The following ZNF106 variants were observed in gnomAD, a reference collection of about 807,000 sequenced individuals.
ZNF106 encodes zinc finger protein 106.
ZNF106 carries 67 observed loss-of-function variants against 195.1 expected under a neutral mutation model. The observed-to-expected ratio is 0.34, with a 90% confidence interval of 0.28 to 0.42. The LOEUF (loss-of-function observed/expected upper bound fraction) is 0.42. ZNF106 is among the 10% of genes least tolerant of loss of function. The probability of loss-of-function intolerance (pLI) is 1.00; values close to 1 mark genes in which losing one functional copy is unlikely to be tolerated. For synonymous variants in ZNF106, 784 were observed against 818.6 expected, an observed-to-expected ratio of 0.96 and a Z score of 0.72; for missense variants, 2,118 against 2,304.5, an observed-to-expected ratio of 0.92 and a Z score of 1.66.
In ZNF106 at chr15:42,466,098, A is replaced by G; in HGVS notation, c.71T>C (p.Met24Thr). 1 of 1,529,940 alleles carries G rather than the reference A, an allele frequency of 6.5e-7. No homozygotes were observed. Among genetic ancestry groups the G allele is most frequent in the Non-Finnish European group, 8.7e-7 (1 of 1,144,086 alleles). 94.8% of individuals were successfully genotyped at this position (1,529,940 alleles called of 1,614,324 possible). A position where few individuals can be genotyped will look rare whatever the true frequency, so the allele number is the denominator to read the frequency against. The change falls in exon 3 of 22, where the codon ATG becomes ACG. Residue 24 changes from methionine (M) to threonine (T), a missense_variant. Coordinates refer to ENST00000564754, the MANE Select transcript of ZNF106 (RefSeq NM_001366845.3). Reference sequence around the variant, plus strand: ...TTCCCTGTGATGCAACATGCTCCGCATGTGTTCGTCCATCTCCTTCAAAAT... The same window carrying G: ...TTCCCTGTGATGCAACATGCTCCGCGTGTGTTCGTCCATCTCCTTCAAAAT... ...YSSKKEMDEH[M>T]RSMLHHRELE...
chr15:42,473,072 T>C (rs1246630886), intron 1 of ZNF106, among the ~76,000 whole-genome samples: 1 of 148,838 alleles, frequency 6.7e-6, no homozygotes, highest in East Asian at 2.0e-4. Flanking sequence ...AATCTAAAAA[T>C]CTGAAATCTG....
At chr15:42,474,754 G>A (rs939171466) in intron 1 of ZNF106, among the ~76,000 whole-genome samples, 1 of 151,866 alleles carries the variant, frequency 6.6e-6, no homozygotes, top group East Asian at 1.9e-4. Context: ...TCTATAAAAA[G>A]AAAGAAAGAA....
At chr15:42,452,075 T>A (rs1595471450) in intron 4 of ZNF106, 121 bp from the exon 5 acceptor site, 3 of 1,053,686 alleles carry the variant, frequency 2.8e-6, no homozygotes, top group Non-Finnish European at 2.7e-6. Context: ...TAACCGAGTC[T>A]GGTTTTATAT....
rs970752835 is a variant in ZNF106 at position 42,447,747 on chromosome 15, C to T, written c.3135+325G>A. 3.9e-5 allele frequency among the ~76,000 whole-genome samples: 6 copies of T among 152,216 alleles called. No individual in the cohort carries two copies. The South Asian group carries it at 8.3e-4, about 21-fold the overall frequency. ...GCCTTTCTTCAGTAGCAGTGCAGAA[C>T]GCATCTATGAAAACAGATTGGGTTA... On this transcript the variant is annotated intron_variant, in intron 6 of 21. Coordinates refer to ENST00000564754, the MANE Select transcript of ZNF106 (RefSeq NM_001366845.3).
chr15:42,477,973 CTG>C (rs1282237103), intron 1 of ZNF106, among the ~76,000 whole-genome samples: 1 of 151,148 alleles, frequency 6.6e-6, no homozygotes, highest in Non-Finnish European at 1.5e-5. Flanking sequence ...TATTGATACA[CTG>C]TTATTTATTT....
chr15:42,436,416 T>C (rs193096412), intron 13 of ZNF106, among the ~76,000 whole-genome samples: 1 of 152,326 alleles, frequency 6.6e-6, no homozygotes, highest in East Asian at 1.9e-4. Context: ...TTTTCAGTCA[T>C]TCGTGTTAAT....
chr15:42,434,768 C>CT (rs536454605), intron 14 of ZNF106, among the ~76,000 whole-genome samples: 6,696 of 134,796 alleles, frequency 0.05, 548 homozygotes, highest in African/African-American at 0.16. Context: ...ACATTTTGCT[C>CT]TTTTTTTTTT....
At chr15:42,421,792 G>A in intron 19 of ZNF106, 125 bp downstream of exon 19, 1 of 647,092 alleles carries the variant, frequency 1.5e-6, no homozygotes, top group South Asian at 3.3e-5. Flanking sequence ...TCCCTATTAT[G>A]CCAAGAGATG....
rs555009859 is a variant in ZNF106, at chr15:42,479,759, T to C, written c.-32-7438A>G. The stretch of plus-strand genomic sequence containing the variant: ...CGGGAGGCTGAGGCAGGAGAATCGC[T>C]TGAACCCGGGGAGTAGAGGTTGCAG... On this transcript the variant is annotated intron_variant, in intron 1 of 21. Transcript: ENST00000564754. 3.3e-5 allele frequency among the ~76,000 whole-genome samples: 5 copies of C among 152,220 alleles called. No homozygotes were observed. In the South Asian group the frequency reaches 1.0e-3, roughly 32 times the overall value.
chr15:42,441,712 G>C (rs537039303), intron 10 of ZNF106: 155 of 166,488 alleles, frequency 9.3e-4, no homozygotes, highest in Non-Finnish European at 1.7e-3. Flanking sequence ...TAGACAGTAA[G>C]TGCAAAGAAA....
At chr15:42,442,549 T>G in intron 9 of ZNF106, 135 bp from the exon 10 acceptor site, 1 of 665,144 alleles carries the variant, frequency 1.5e-6, no homozygotes, top group Non-Finnish European at 2.4e-6. Flanking sequence ...CTCATAATTC[T>G]CCGAAATATG....
chr15:42,419,375 A>G (rs1157297014), intron 20 of ZNF106, among the ~76,000 whole-genome samples: 1 of 151,668 alleles, frequency 6.6e-6, no homozygotes, highest in East Asian at 2.0e-4. Flanking sequence ...AAAATAAATA[A>G]TAAAAATAAT....
intron 20 of ZNF106, among the ~76,000 whole-genome samples, chr15:42,419,213 C>T (rs1315842481): frequency 2.0e-5 from 3 of 151,858 alleles, no homozygotes; most frequent in Non-Finnish European, 4.4e-5. Context: ...ACTGAAAATA[C>T]AAAAATCAGC....
chr15:42,417,875 T>C lies in ZNF106; in HGVS notation c.5594A>G (p.Asn1865Ser). Residue 1865 changes from asparagine (N) to serine (S), a missense_variant, in exon 21 of 22, where the codon AAC (asparagine) becomes AGC (serine). By Grantham distance (46) the Asn-to-Ser change is conservative (BLOSUM62 1). Transcript: ENST00000564754. The part of the protein sequence containing the change: ...QHLLTDHTNP[N>S]FQTLKCRWKN... ...CCAGCGACATTTCAGAGTCTGGAAG[T>C]TGGGATTAGTGTGGTCGGTCAGCAA... 1 of 1,614,004 alleles carries C rather than the reference T, an allele frequency of 6.2e-7. No homozygotes were observed. Among genetic ancestry groups the C allele is most frequent in the Non-Finnish European group, 8.5e-7 (1 of 1,179,954 alleles).
chr15:42,451,435 C>A lies in ZNF106; in HGVS notation c.837G>T (p.Met279Ile), dbSNP rs1314631402. 1 of 1,614,168 alleles carries A rather than the reference C, an allele frequency of 6.2e-7. No individual in the cohort carries two copies. Among genetic ancestry groups the A allele is most frequent in the Admixed American group, 1.7e-5 (1 of 60,018 alleles). The change falls in exon 5 of 22, where the codon ATG (methionine) becomes ATT (isoleucine). Residue 279 changes from methionine (M) to isoleucine (I), a missense_variant. Physicochemically the swap from Met to Ile is conservative, Grantham distance 10. Coordinates refer to ENST00000564754, the MANE Select transcript of ZNF106 (RefSeq NM_001366845.3). ...PGRNRNSNCQ[M>I]EDMTMLWNKK... ...TGTTCCATAGCATAGTCATGTCTTC[C>A]ATTTGACAGTTAGAATTTCTGTTTC... is the stretch of plus-strand genomic sequence containing the variant.
chr15:42,450,774 T>C lies in ZNF106; in HGVS notation c.1498A>G (p.Lys500Glu). Residue 500 changes from lysine to glutamate, a missense_variant, in exon 5 of 22, where the codon AAA (lysine) becomes GAA (glutamate). Coordinates refer to ENST00000564754, the MANE Select transcript of ZNF106 (RefSeq NM_001366845.3). Reference protein sequence around the residue: ...QDPKNISKNTKTNFFSPGEHS... With the variant: ...QDPKNISKNTETNFFSPGEHS... ...TCTCCAGGGGAAAAAAAATTTGTTT[T>C]GGTGTTTTTTGAGATATTCTTTGGA... is the stretch of plus-strand genomic sequence containing the variant. The C allele has an allele frequency of 6.2e-7, 1 of 1,614,204 alleles. No homozygotes were observed. Among genetic ancestry groups the C allele is most frequent in the Non-Finnish European group, 8.5e-7 (1 of 1,180,032 alleles).
chr15:42,464,790 A>G (rs2056477707), intron 3 of ZNF106, among the ~76,000 whole-genome samples: 1 of 152,056 alleles, frequency 6.6e-6, no homozygotes. Context: ...TAATCCTCAC[A>G]TCTCAAGGGT....
At chr15:42,455,425 C>T (rs1240394450) in intron 4 of ZNF106, among the ~76,000 whole-genome samples, 1 of 152,066 alleles carries the variant, frequency 6.6e-6, no homozygotes, top group Non-Finnish European at 1.5e-5. Context: ...CACTGGTGGC[C>T]TCATGTTGGC....
chr15:42,462,468 C>T (rs773266514), intron 3 of ZNF106, among the ~76,000 whole-genome samples: 4 of 151,996 alleles, frequency 2.6e-5, no homozygotes, highest in Non-Finnish European at 4.4e-5. Context: ...CATGGTTGCG[C>T]GTGCCTGTAA....
Sources: allele counts gnomAD v4.1 joint callset (sites outside exome capture counted in the v4.1 genomes callset), GRCh38; gene constraint gnomAD v4.1.1; transcripts MANE v1.5; gene names NCBI Gene and HGNC (gene_info 2026-07-23, HGNC 2026-07-21).